Variants in VPS35L observed in about 807,000 individuals in gnomAD.
VPS35L encodes the protein VPS35 endosomal protein-sorting factor-like.
A neutral mutation model predicts 133.0 loss-of-function variants in VPS35L; 83 were observed. The ratio of observed to expected loss-of-function variants is 0.62; its 90% CI spans 0.52 to 0.75. The LOEUF (loss-of-function observed/expected upper bound fraction) is 0.75. VPS35L is among the 30% of genes least tolerant of loss of function. The probability of loss-of-function intolerance (pLI) is 0.00; values close to 1 mark genes in which losing one functional copy is unlikely to be tolerated. For synonymous variants in VPS35L, 423 were observed against 449.9 expected (o/e 0.94, Z 0.76); for missense variants, 1,083 against 1,206.8 (o/e 0.90, Z 1.52).
chr16:19,576,227 C>T (rs953139524), intron 5 of VPS35L, among the ~76,000 whole-genome samples: 2 of 150,624 alleles, frequency 1.3e-5, no homozygotes, highest in African/African-American at 4.9e-5. Context: ...CGTAAGCTTA[C>T]TGTTTAAGAA....
chr16:19,593,136 T>A (rs1257470238), intron 8 of VPS35L, among the ~76,000 whole-genome samples: 2 of 152,146 alleles, frequency 1.3e-5, no homozygotes, highest in Admixed American at 1.3e-4. Flanking sequence ...GAGAATAACC[T>A]GGAGGAGCAG....
At position 19,637,630 on chromosome 16, in the gene VPS35L, C is replaced by T. The variant is rs1464735109; in HGVS notation, c.1672C>T (p.His558Tyr). Residue 558 changes from histidine to tyrosine, a missense_variant, in exon 20 of 31, where the codon CAT (histidine) becomes TAT (tyrosine). His to Tyr is a moderately conservative substitution (Grantham distance 83, BLOSUM62 2). Coordinates refer to ENST00000417362, the MANE Select transcript of VPS35L (RefSeq NM_020314.7). ...AATTAAGAAAGTTATTGCCCACTTC[C>T]ATGACTTCTCAGTTCTTTTCTCAGT... ...LIIKKVIAHF[H>Y]DFSVLFSVEK... 3 of 1,576,200 alleles carry T rather than the reference C, an allele frequency of 1.9e-6. No individual in the cohort carries two copies. The highest frequency in any genetic ancestry group is 1.7e-5 in the Admixed American group (1 of 57,678).
chr16:19,647,315 C>T (rs1408601617), intron 23 of VPS35L, among the ~76,000 whole-genome samples: 2 of 152,122 alleles, frequency 1.3e-5, no homozygotes, highest in Non-Finnish European at 2.9e-5. Context: ...CTCATCTGGA[C>T]AAAAATGATT....
intron 9 of VPS35L, among the ~76,000 whole-genome samples, chr16:19,603,656 C>G (rs752429517): frequency 6.6e-6 from 1 of 152,138 alleles, no homozygotes; most frequent in Non-Finnish European, 1.5e-5. Flanking sequence ...CTGGGAGAGG[C>G]AGGCAGAGGC....
chr16:19,601,754 T>C (rs1972391270), intron 9 of VPS35L, 31 bp downstream of exon 9: 1 of 1,609,588 alleles, frequency 6.2e-7, no homozygotes, highest in Admixed American at 1.7e-5. Context: ...GGGGTGTCAT[T>C]CTGCCCTGGA....
At chr16:19,662,271 G>GAGGC (rs1270640935) in intron 26 of VPS35L, among the ~76,000 whole-genome samples, 6 of 152,190 alleles carry the variant, frequency 3.9e-5, no homozygotes, top group South Asian at 2.1e-4. Context: ...TTGGGAGGCA[G>GAGGC]AGGCAGGCAG....
At chr16:19,695,528 C>T (rs570710594) in intron 29 of VPS35L, among the ~76,000 whole-genome samples, 11 of 152,176 alleles carry the variant, frequency 7.2e-5, no homozygotes, top group African/African-American at 2.4e-4. Context: ...ATTAGAAAAA[C>T]ATCGGTCAGG....
chr16:19,569,831 G>T (rs58002371), intron 3 of VPS35L, among the ~76,000 whole-genome samples: 144 of 151,498 alleles, frequency 9.5e-4, no homozygotes, highest in African/African-American at 3.4e-3. Context: ...ACTGTGCCGG[G>T]TTAATTTTTT....
intron 26 of VPS35L, among the ~76,000 whole-genome samples, chr16:19,653,724 C>T (rs1974208964): frequency 6.6e-6 from 1 of 152,234 alleles, no homozygotes; most frequent in Non-Finnish European, 1.5e-5. Context: ...TTGCCATTGT[C>T]TTCGTAGGGC....
chr16:19,628,005 T>A (rs758701536), intron 16 of VPS35L, among the ~76,000 whole-genome samples, 200 bp downstream of exon 16: 1 of 152,186 alleles, frequency 6.6e-6, no homozygotes, highest in Non-Finnish European at 1.5e-5. Flanking sequence ...CAGGCCCCCA[T>A]GAGCCCTAAA....
At chr16:19,643,450 C>T (rs1454533931) in intron 22 of VPS35L, among the ~76,000 whole-genome samples, 1 of 152,190 alleles carries the variant, frequency 6.6e-6, no homozygotes, top group Non-Finnish European at 1.5e-5. Context: ...ATTGTTCTCC[C>T]AGTCTATCTG....
In VPS35L at chr16:19,630,795, A is replaced by G. The variant is rs189951575; in HGVS notation, c.1554+975A>G. Among the ~76,000 whole-genome samples the G allele has an allele frequency of 2.1e-3, 317 of 152,110 alleles. 2 individuals are homozygous for G. Among genetic ancestry groups the G allele is most frequent in the Middle Eastern group, 0.01 (3 of 294 alleles). On this transcript the variant is annotated intron_variant, in intron 18 of 30. Coordinates refer to ENST00000417362, the MANE Select transcript of VPS35L (RefSeq NM_020314.7). ...TGAAGGAGATTAATGCCCTTATAAT[A>G]AAAGAAGCCCACCAGCCTGGCCAAC...
intron 29 of VPS35L, among the ~76,000 whole-genome samples, chr16:19,696,968 A>G (rs1335621217): frequency 1.3e-5 from 2 of 152,206 alleles, no homozygotes; most frequent in Non-Finnish European, 2.9e-5. Context: ...CAGGTGTCAG[A>G]CGAGGACCAG....
intron 26 of VPS35L, among the ~76,000 whole-genome samples, chr16:19,654,169 A>C (rs1272482359): frequency 6.6e-6 from 1 of 152,154 alleles, no homozygotes; most frequent in African/African-American, 2.4e-5. Flanking sequence ...TGGTGAGAAC[A>C]AGCCACAGCT....
intron 12 of VPS35L, among the ~76,000 whole-genome samples, chr16:19,611,561 T>C (rs568702164): frequency 6.6e-6 from 1 of 152,208 alleles, no homozygotes; most frequent in East Asian, 1.9e-4. Flanking sequence ...AGCCAGCAAA[T>C]GTCGGAAGCC....
intron 3 of VPS35L, among the ~76,000 whole-genome samples, chr16:19,570,834 CATATATATATATATAT>C (rs58794831): frequency 0.088 from 6,876 of 78,458 alleles, 492 homozygotes; most frequent in East Asian, 0.13. Flanking sequence ...TGCTGTGTTT[CATATATATATATATAT>C]ATATATATAT....
intron 15 of VPS35L, among the ~76,000 whole-genome samples, chr16:19,626,991 G>T (rs985576210): frequency 6.6e-6 from 1 of 151,906 alleles, no homozygotes; most frequent in African/African-American, 2.4e-5. Flanking sequence ...GAAATCTCTT[G>T]CATAAACTGG....
At chr16:19,619,386 A>G (rs1247167004) in intron 14 of VPS35L, among the ~76,000 whole-genome samples, 1 of 152,152 alleles carries the variant, frequency 6.6e-6, no homozygotes, top group Non-Finnish European at 1.5e-5. Flanking sequence ...AAGCCAGTAT[A>G]AAGGAAAGAT....
intron 9 of VPS35L, among the ~76,000 whole-genome samples, chr16:19,603,538 CAT>C (rs1972451599): frequency 1.3e-5 from 2 of 152,048 alleles, no homozygotes; most frequent in South Asian, 2.1e-4. Flanking sequence ...TAATGTGGCT[CAT>C]GTGGTTTTTC....
Sources: gnomAD v4.1 joint callset for allele counts (sites outside exome capture counted in the v4.1 genomes callset) on GRCh38, gnomAD v4.1.1 for gene constraint, MANE v1.5 for transcripts, NCBI Gene and HGNC (gene_info 2026-07-23, HGNC 2026-07-21) for gene names.